TENT2: variants seen among roughly 807,000 people sequenced by gnomAD.
TENT2 encodes the protein poly(A) RNA polymerase GLD2.
TENT2 carries 44 observed loss-of-function variants against 72.2 expected under a neutral mutation model. That is an observed-to-expected ratio of 0.61 (90% CI 0.48 to 0.78). The LOEUF is 0.78. TENT2 is among the 30% of genes least tolerant of loss of function. The pLI, the probability that TENT2 is intolerant of heterozygous loss-of-function variation, is 0.00. For synonymous variants in TENT2, 212 were observed against 192.5 expected (o/e 1.10, Z -0.84); for missense variants, 541 against 569.6 (o/e 0.95, Z 0.51).
rs556985075 is a variant in TENT2, at chr5:79,655,332, G to C, written c.1028-1626G>C. On this transcript the variant is annotated intron_variant, in intron 10 of 14. Coordinates refer to ENST00000453514, the MANE Select transcript of TENT2 (RefSeq NM_001114394.3). ...ATTACTGAGTTCTAAAAGCTTTTTT[G>C]TCCATTGAAAGATCCTCAACCAGTG... Among the ~76,000 whole-genome samples the C allele has an allele frequency of 2.0e-5, 3 of 152,028 alleles. No individual in the cohort carries two copies. The South Asian group carries it at 6.2e-4, about 32-fold the overall frequency.
At chr5:79,682,733 C>A (rs1823049368) in intron 14 of TENT2, among the ~76,000 whole-genome samples, 1 of 152,064 alleles carries the variant, frequency 6.6e-6, no homozygotes, top group Non-Finnish European at 1.5e-5. Context: ...CTAATGTATA[C>A]CCCACTGTCA....
intron 5 of TENT2, 41 bp downstream of exon 5, chr5:79,641,006 T>G (rs1483813438): frequency 6.7e-7 from 1 of 1,495,174 alleles, no homozygotes. Flanking sequence ...GTATATGCAT[T>G]CCTATTTTAA....
At chr5:79,659,586 AT>A (rs1561547737) in intron 11 of TENT2, among the ~76,000 whole-genome samples, 3 of 130,068 alleles carry the variant, frequency 2.3e-5, no homozygotes, top group Non-Finnish European at 4.9e-5. Flanking sequence ...ATATATATAT[AT>A]ATATATAATA....
At chr5:79,643,025 A>C (rs1785662219) in intron 7 of TENT2, 115 bp downstream of exon 7, 2 of 1,255,464 alleles carry the variant, frequency 1.6e-6, no homozygotes, top group Admixed American at 3.5e-5. Context: ...GTATAATATG[A>C]ATTCTTTTTT....
At position 79,614,704 on chromosome 5, in the gene TENT2, G is replaced by A. The variant is rs575257053; in HGVS notation, c.-38+1629G>A. Among the ~76,000 whole-genome samples, 92 of 152,256 alleles carry A rather than the reference G, an allele frequency of 6.0e-4. 1 individual carries two copies. In the South Asian group the frequency reaches 0.011, roughly 18 times the overall value. On this transcript the variant is annotated intron_variant, in intron 1 of 14. Transcript: ENST00000453514. ...CTACTTAAGAAACCTTTCATTCAGA[G>A]TATGAAGAAAATGATTTAAAATTTT...
At chr5:79,641,064 T>C in intron 5 of TENT2, 41 bp from the exon 6 acceptor site, 1 of 1,523,660 alleles carries the variant, frequency 6.6e-7, no homozygotes, top group South Asian at 1.3e-5. Flanking sequence ...GCACCTACTT[T>C]AGATTTTAAA....
At chr5:79,669,951 G>A (rs1039788764) in intron 12 of TENT2, among the ~76,000 whole-genome samples, 16 of 152,102 alleles carry the variant, frequency 1.1e-4, no homozygotes, top group Middle Eastern at 3.4e-3. Context: ...ATTTCAGGCC[G>A]GGCGCGGTAG....
intron 10 of TENT2, among the ~76,000 whole-genome samples, chr5:79,656,372 T>C (rs893052546): frequency 1.3e-5 from 2 of 151,970 alleles, no homozygotes; most frequent in Non-Finnish European, 2.9e-5. Flanking sequence ...TGACTTTTGC[T>C]GAGCATTCTT....
chr5:79,649,916 T>A (rs1792366709), intron 10 of TENT2, among the ~76,000 whole-genome samples: 2 of 152,154 alleles, frequency 1.3e-5, no homozygotes, highest in South Asian at 4.1e-4. Flanking sequence ...ATTAAGCTGC[T>A]TTATACTTTC....
intron 10 of TENT2, among the ~76,000 whole-genome samples, chr5:79,654,291 C>G (rs148382241): frequency 6.6e-6 from 1 of 152,114 alleles, no homozygotes. Flanking sequence ...ATTAGCTGGG[C>G]GTGGTAGTGC....
intron 12 of TENT2, among the ~76,000 whole-genome samples, chr5:79,672,466 C>T (rs991864026): frequency 6.6e-6 from 1 of 152,218 alleles, no homozygotes; most frequent in Non-Finnish European, 1.5e-5. Context: ...CCTGCCACTG[C>T]CCTTCCCAGC....
intron 7 of TENT2, chr5:79,644,824 A>G: frequency 4.6e-6 from 1 of 217,228 alleles, no homozygotes; most frequent in Non-Finnish European, 9.0e-6. Flanking sequence ...AAAATTAGCT[A>G]TTCCCTCTGC....
intron 4 of TENT2, among the ~76,000 whole-genome samples, chr5:79,631,160 A>T (rs185772097): frequency 6.6e-6 from 1 of 152,168 alleles, no homozygotes; most frequent in Non-Finnish European, 1.5e-5. Context: ...CCTGCCACCA[A>T]TCCCCAGTTG....
intron 1 of TENT2, among the ~76,000 whole-genome samples, chr5:79,613,323 T>C (rs1488891453): frequency 6.6e-6 from 1 of 152,190 alleles, no homozygotes; most frequent in Non-Finnish European, 1.5e-5. Flanking sequence ...TTTCAACTCT[T>C]TGTTTAAAGT....
chr5:79,669,008 ATAT>A lies in TENT2; in HGVS notation c.1192_1194del (p.Tyr398del). The A allele has an allele frequency of 1.2e-6, 2 of 1,613,728 alleles. No homozygotes were observed. On this transcript the variant is annotated inframe_deletion, in exon 12 of 15. Coordinates refer to ENST00000453514, the MANE Select transcript of TENT2 (RefSeq NM_001114394.3). ...GGGACCTCTTACTGGGCTTTCTTAA[ATAT>A]TATGCTACAGAATTTGAGTAAGTAA...
chr5:79,624,517 A>G (rs1030854608), intron 4 of TENT2, among the ~76,000 whole-genome samples: 2 of 152,140 alleles, frequency 1.3e-5, no homozygotes, highest in East Asian at 1.9e-4. Flanking sequence ...CAACTGTACT[A>G]TCTGATTCCC....
chr5:79,620,744 G>C (rs373508583), intron 3 of TENT2: 1 of 152,232 alleles, frequency 6.6e-6, no homozygotes, highest in African/African-American at 2.4e-5. Flanking sequence ...TGAGCTACTG[G>C]GGCTTAGGAC....
At chr5:79,643,590 G>A (rs1018764170) in intron 7 of TENT2, among the ~76,000 whole-genome samples, 1 of 152,106 alleles carries the variant, frequency 6.6e-6, no homozygotes, top group Admixed American at 6.5e-5. Flanking sequence ...CTTTGAGCTG[G>A]AAAGTACAAG....
chr5:79,671,978 C>A (rs1813277438), intron 12 of TENT2, among the ~76,000 whole-genome samples: 1 of 151,784 alleles, frequency 6.6e-6, no homozygotes, highest in Non-Finnish European at 1.5e-5. Flanking sequence ...TGGCACATGC[C>A]TGTAAACCCA....
Sources: gnomAD v4.1 joint callset for allele counts (sites outside exome capture counted in the v4.1 genomes callset) on GRCh38, gnomAD v4.1.1 for gene constraint, MANE v1.5 for transcripts, NCBI Gene and HGNC (gene_info 2026-07-23, HGNC 2026-07-21) for gene names.